The following DPYD variants were observed in gnomAD, a reference collection of about 807,000 sequenced individuals.
DPYD encodes the protein dihydropyrimidine dehydrogenase, also known as dihydropyrimidine dehydrogenase [NADP(+)].
Under a neutral mutation model 116.2 loss-of-function variants are expected in DPYD, and 109 were observed. The ratio of observed to expected loss-of-function variants is 0.94; its 90% CI spans 0.80 to 1.10. The LOEUF (loss-of-function observed/expected upper bound fraction) is 1.10. Ranked by LOEUF, DPYD falls within the 50% of genes least tolerant of loss-of-function variation. The pLI is 0.00. For synonymous variants in DPYD, 440 were observed against 432.0 expected (o/e 1.02, Z -0.23); for missense variants, 1,302 against 1,254.5 (o/e 1.04, Z -0.57).
chr1:97,849,963 CCTGAGAAGTAAATGA>C (rs1434741309), intron 2 of DPYD, among the ~76,000 whole-genome samples: 1 of 152,014 alleles, frequency 6.6e-6, no homozygotes, highest in African/African-American at 2.4e-5. Flanking sequence ...AAATTTCCTG[CCTGAGAAGTAAATGA>C]CTGAGGGGAA....
chr1:97,714,987 T>C (rs1351261010), intron 5 of DPYD, among the ~76,000 whole-genome samples: 1 of 152,168 alleles, frequency 6.6e-6, no homozygotes, highest in African/African-American at 2.4e-5. Flanking sequence ...TCCTGGAGTT[T>C]CCTGTTACTC....
chr1:97,370,807 T>C (rs1013958972), intron 16 of DPYD, among the ~76,000 whole-genome samples: 2 of 152,132 alleles, frequency 1.3e-5, no homozygotes, highest in African/African-American at 4.8e-5. Context: ...TTGATAAAGG[T>C]GACACAGATG....
chr1:97,100,120 G>A (rs1650557707), intron 20 of DPYD, among the ~76,000 whole-genome samples: 1 of 151,972 alleles, frequency 6.6e-6, no homozygotes, highest in Non-Finnish European at 1.5e-5. Context: ...TAGGATGGAG[G>A]GAGATAGTAT....
In DPYD at chr1:97,920,900, T is replaced by A. The variant is rs769190350; in HGVS notation, c.23A>T (p.Asp8Val). The A allele has an allele frequency of 5.0e-6, 8 of 1,593,846 alleles. No individual in the cohort carries two copies. In the Admixed American group the frequency reaches 1.2e-4, roughly 24 times the overall value. The change falls in exon 1 of 23, where the codon GAC becomes GTC. Residue 8 changes from aspartate (D) to valine (V), a missense_variant. Physicochemically the swap from Asp to Val is radical, Grantham distance 152. Transcript: ENST00000370192. The stretch of plus-strand genomic sequence containing the variant: ...AGTCCGTACCTCGATGTCCGCCGAG[T>A]CCTTACTGAGCACAGGGGCCATGGC... The part of the protein sequence containing the change: MAPVLSK[D>V]SADIESILAL...
chr1:97,349,717 G>T (rs536039450), intron 16 of DPYD, among the ~76,000 whole-genome samples: 1 of 152,190 alleles, frequency 6.6e-6, no homozygotes, highest in South Asian at 2.1e-4. Context: ...TGGTGTATAT[G>T]TGCCACATTT....
At chr1:97,705,145 A>G (rs914570782) in intron 5 of DPYD, among the ~76,000 whole-genome samples, 5 of 151,330 alleles carry the variant, frequency 3.3e-5, no homozygotes, top group African/African-American at 1.2e-4. Flanking sequence ...TTTTTTTTAA[A>G]TTATACTTTA....
intron 10 of DPYD, chr1:97,585,818 T>C (rs906079354): frequency 6.6e-6 from 1 of 152,278 alleles, no homozygotes; most frequent in East Asian, 1.9e-4. Flanking sequence ...AAGTAGAGCA[T>C]ACAGATCTCT....
intron 20 of DPYD, among the ~76,000 whole-genome samples, chr1:97,168,847 A>AT (rs1372891846): frequency 7.3e-6 from 1 of 136,880 alleles, no homozygotes; most frequent in Non-Finnish European, 1.6e-5. Flanking sequence ...CCCACTTAGT[A>AT]ATTTTTTTTT....
intron 18 of DPYD, among the ~76,000 whole-genome samples, chr1:97,269,421 C>T (rs1342768042): frequency 2.0e-5 from 3 of 152,228 alleles, no homozygotes; most frequent in East Asian, 1.9e-4. Context: ...AGCCTCTACC[C>T]GTTACCCAGT....
intron 4 of DPYD, among the ~76,000 whole-genome samples, chr1:97,728,760 A>T (rs142525261): frequency 6.0e-4 from 91 of 152,202 alleles, no homozygotes; most frequent in African/African-American, 2.0e-3. Flanking sequence ...ACTGATGTAC[A>T]TTAATTGAAT....
intron 3 of DPYD, among the ~76,000 whole-genome samples, chr1:97,759,826 C>T (rs1178694759): frequency 6.6e-6 from 1 of 151,990 alleles, no homozygotes; most frequent in African/African-American, 2.4e-5. Flanking sequence ...TACTATGCAC[C>T]AGAGTTTCAA....
chr1:97,776,902 C>T (rs1012122620), intron 3 of DPYD, among the ~76,000 whole-genome samples: 2 of 152,084 alleles, frequency 1.3e-5, no homozygotes, highest in Non-Finnish European at 2.9e-5. Flanking sequence ...TTAGTTGTTA[C>T]TGTTATTACA....
intron 18 of DPYD, among the ~76,000 whole-genome samples, chr1:97,277,422 CA>C (rs1665012521): frequency 1.3e-5 from 2 of 151,350 alleles, no homozygotes; most frequent in South Asian, 4.2e-4. Flanking sequence ...AATAAACAAA[CA>C]AACAAAATGC....
chr1:97,240,240 AT>A (rs34678676), intron 18 of DPYD, among the ~76,000 whole-genome samples: 33,736 of 148,112 alleles, frequency 0.23, 4,959 homozygotes, highest in East Asian at 0.61. Context: ...TATATTTAAG[AT>A]TTTTTTTTTT....
intron 8 of DPYD, among the ~76,000 whole-genome samples, chr1:97,658,888 T>G (rs2100861836): frequency 6.6e-6 from 1 of 151,910 alleles, no homozygotes; most frequent in Non-Finnish European, 1.5e-5. Flanking sequence ...ACACTAGAGG[T>G]TTATAATGCT....
At chr1:97,815,811 T>C (rs1298529357) in intron 3 of DPYD, among the ~76,000 whole-genome samples, 4 of 152,064 alleles carry the variant, frequency 2.6e-5, no homozygotes, top group Non-Finnish European at 4.4e-5. Context: ...AAAGCAAAAA[T>C]TAACGTTTCA....
At chr1:97,794,409 T>C (rs2101289353) in intron 3 of DPYD, among the ~76,000 whole-genome samples, 1 of 152,132 alleles carries the variant, frequency 6.6e-6, no homozygotes, top group South Asian at 2.1e-4. Context: ...AACAGACACA[T>C]TACCAAATAA....
intron 12 of DPYD, chr1:97,546,285 A>C (rs1227073988): frequency 4.9e-6 from 7 of 1,437,084 alleles, no homozygotes; most frequent in Admixed American, 3.6e-5. Context: ...AAAAAAAAAA[A>C]CCTGCACCTG....
chr1:97,292,536 A>C lies in DPYD; in HGVS notation c.2299+12723T>G, dbSNP rs568208265. ...CCTGCCATTGGGTCCCTCCCATGAC[A>C]TGTGGGGATTATGAGAACTACAGTT... On this transcript the variant is annotated intron_variant, in intron 18 of 22. Coordinates refer to ENST00000370192, the MANE Select transcript of DPYD (RefSeq NM_000110.4). Among the ~76,000 whole-genome samples, 16 of 152,284 alleles carry C rather than the reference A, an allele frequency of 1.1e-4. 1 individual carries two copies. In the East Asian group the frequency reaches 2.7e-3, roughly 26 times the overall value.
Sources: gnomAD v4.1 joint callset for allele counts (sites outside exome capture counted in the v4.1 genomes callset) on GRCh38, gnomAD v4.1.1 for gene constraint, MANE v1.5 for transcripts, NCBI Gene and HGNC (gene_info 2026-07-23, HGNC 2026-07-21) for gene names.